Variants in PDE1C observed in about 807,000 individuals in gnomAD.
PDE1C encodes the protein phosphodiesterase 1C, also known as dual specificity calcium/calmodulin-dependent 3',5'-cyclic nucleotide phosphodiesterase 1C.
Under a neutral mutation model 93.1 loss-of-function variants are expected in PDE1C, and 62 were observed. The observed-to-expected ratio is 0.67, with a 90% CI of 0.54 to 0.82. The LOEUF is 0.82. PDE1C is among the 40% of genes least tolerant of loss of function. The probability of loss-of-function intolerance (pLI) is 0.00; values close to 1 mark genes in which losing one functional copy is unlikely to be tolerated. For missense variants in PDE1C, 742 were observed against 884.6 expected (o/e 0.84, Z 2.04); for synonymous variants, 325 against 310.1 (o/e 1.05, Z -0.50).
chr7:32,156,767 C>G (rs1436118721), intron 3 of PDE1C, among the ~76,000 whole-genome samples: 1 of 152,198 alleles, frequency 6.6e-6, no homozygotes, highest in Non-Finnish European at 1.5e-5. Flanking sequence ...ACCATTGATT[C>G]AGCCAAGTGC....
At chr7:31,837,031 T>C in intron 11 of PDE1C, 149 bp downstream of exon 11, 1 of 597,208 alleles carries the variant, frequency 1.7e-6, no homozygotes, top group Non-Finnish European at 2.7e-6. Context: ...AAATATCACA[T>C]GACCAAGAGG....
the PDE1C span, among the ~76,000 whole-genome samples, chr7:31,708,797 A>G: frequency 6.6e-6 from 1 of 152,202 alleles, no homozygotes; most frequent in Non-Finnish European, 1.5e-5. Flanking sequence ...CACCTGGAGT[A>G]TATCATCCAT....
exon 1 of PDE1C, chr7:32,298,826 C>T (rs1585095501): frequency 7.5e-6 from 11 of 1,469,980 alleles, no homozygotes; most frequent in Middle Eastern, 4.8e-4. Flanking sequence ...GGCTCGGCGG[C>T]GAATCCTCCC....
At chr7:32,214,838 G>A (rs931592544) in intron 1 of PDE1C, among the ~76,000 whole-genome samples, 6 of 152,100 alleles carry the variant, frequency 3.9e-5, no homozygotes, top group Non-Finnish European at 8.8e-5. Context: ...GCACCACCTG[G>A]GCGCTGGGCA....
At chr7:32,056,320 T>TC (rs1554488808) in intron 1 of PDE1C, among the ~76,000 whole-genome samples, 7 of 111,116 alleles carry the variant, frequency 6.3e-5, no homozygotes, top group Non-Finnish European at 1.1e-4. Context: ...GGGTCCACCG[T>TC]TCTCTCTCTC....
intron 1 of PDE1C, among the ~76,000 whole-genome samples, chr7:32,324,246 TC>T (rs1187785585): frequency 6.6e-6 from 1 of 152,198 alleles, no homozygotes; most frequent in African/African-American, 2.4e-5. Context: ...TACTATTTGC[TC>T]TTTTATAGAA....
the PDE1C span, among the ~76,000 whole-genome samples, chr7:31,693,705 A>C: frequency 7.2e-5 from 11 of 152,240 alleles, no homozygotes; most frequent in Non-Finnish European, 1.6e-4. Flanking sequence ...CAGAGTTTGC[A>C]TCTAGACCCA....
intron 1 of PDE1C, among the ~76,000 whole-genome samples, chr7:32,304,873 A>G (rs948793076): frequency 3.3e-5 from 5 of 152,266 alleles, no homozygotes; most frequent in African/African-American, 1.2e-4. Flanking sequence ...TAACATGACA[A>G]TGTTATTATT....
At chr7:31,658,098 C>T in the PDE1C span, among the ~76,000 whole-genome samples, 1 of 152,140 alleles carries the variant, frequency 6.6e-6, no homozygotes, top group African/African-American at 2.4e-5. Flanking sequence ...AGGGAAGACC[C>T]AAGTTGCATC....
At chr7:31,913,154 G>A (rs1189090481) in intron 2 of PDE1C, among the ~76,000 whole-genome samples, 3 of 152,072 alleles carry the variant, frequency 2.0e-5, no homozygotes, top group Non-Finnish European at 4.4e-5. Context: ...GGTGGTACAG[G>A]TTCATTATCA....
At chr7:31,788,609 T>C (rs1784254889) in intron 16 of PDE1C, 1 of 151,894 alleles carries the variant, frequency 6.6e-6, no homozygotes, top group African/African-American at 2.4e-5. Flanking sequence ...CCACTATGAA[T>C]TGCCATTTAC....
intron 1 of PDE1C, among the ~76,000 whole-genome samples, chr7:32,237,728 G>A (rs905397629): frequency 6.3e-5 from 8 of 127,682 alleles, no homozygotes; most frequent in African/African-American, 1.8e-4. Context: ...GCCACTATCC[G>A]CACTTGGCTC....
chr7:32,215,735 G>A (rs1048934174), intron 1 of PDE1C, among the ~76,000 whole-genome samples: 2 of 152,210 alleles, frequency 1.3e-5, no homozygotes, highest in African/African-American at 4.8e-5. Flanking sequence ...GCCTAGAAAG[G>A]TGCACACTGC....
At chr7:32,185,933 G>A (rs1420752807) in intron 2 of PDE1C, among the ~76,000 whole-genome samples, 2 of 152,112 alleles carry the variant, frequency 1.3e-5, no homozygotes, top group Non-Finnish European at 2.9e-5. Flanking sequence ...CTAGAGATTT[G>A]TTAATTTCAT....
At chr7:31,995,338 G>A (rs1038201054) in intron 2 of PDE1C, among the ~76,000 whole-genome samples, 3 of 152,032 alleles carry the variant, frequency 2.0e-5, no homozygotes, top group East Asian at 1.9e-4. Context: ...AGTCCATTAC[G>A]CAATTTTTGT....
intron 2 of PDE1C, among the ~76,000 whole-genome samples, chr7:32,190,247 T>C (rs1804145121): frequency 6.6e-6 from 1 of 152,246 alleles, no homozygotes. Flanking sequence ...GAGTTGTTCA[T>C]AGCTTAGTCT....
the PDE1C span, among the ~76,000 whole-genome samples, chr7:31,690,399 A>G: frequency 1.4e-3 from 217 of 152,262 alleles, no homozygotes; most frequent in Non-Finnish European, 2.6e-3. Flanking sequence ...AGCTCGGGGG[A>G]CAGAGAGGGA....
At chr7:31,956,179 C>G (rs771672788) in intron 2 of PDE1C, among the ~76,000 whole-genome samples, 1 of 151,980 alleles carries the variant, frequency 6.6e-6, no homozygotes, top group Non-Finnish European at 1.5e-5. Context: ...CTGCAACTTC[C>G]GCCTCCCAGG....
the PDE1C span, among the ~76,000 whole-genome samples, chr7:31,669,145 T>C: frequency 6.6e-6 from 1 of 152,180 alleles, no homozygotes; most frequent in Non-Finnish European, 1.5e-5. Context: ...GGCTACCTTG[T>C]TGGTATTGAC....
Sources: gnomAD v4.1 joint callset for allele counts (sites outside exome capture counted in the v4.1 genomes callset) on GRCh38, gnomAD v4.1.1 for gene constraint, MANE v1.5 for transcripts, NCBI Gene and HGNC (gene_info 2026-07-23, HGNC 2026-07-21) for gene names.